The following NHS variants were observed in gnomAD, a reference collection of about 807,000 sequenced individuals.
The protein encoded by NHS is NHS actin remodeling regulator, also known as actin remodeling regulator NHS.
In NHS, 5 loss-of-function variants were observed where a neutral mutation model predicts 72.5. The observed-to-expected ratio is 0.07, with a 90% confidence interval of 0.04 to 0.14. The LOEUF (loss-of-function observed/expected upper bound fraction) is 0.14. Among genes scored for constraint, NHS ranks in the 10% least tolerant of loss-of-function variants. The pLI is 1.00. For missense variants in NHS, 1,072 were observed against 1,355.7 expected (o/e 0.79, Z 3.29); for synonymous variants, 464 against 547.7 (o/e 0.85, Z 2.13).
At position 17,704,324 on chromosome X, in the gene NHS, TCTCA is replaced by T. The variant is rs1174140820; in HGVS notation, c.852+11860_852+11863del. Among the ~76,000 whole-genome samples, 9 of 108,618 alleles carry T rather than the reference TCTCA, an allele frequency of 8.3e-5. No homozygotes were observed. The East Asian group carries it at 1.8e-3, about 22-fold the overall frequency. The allele number at this position is 108,618 out of a possible 115,157, so 94.3% of individuals were successfully genotyped here. On this transcript the variant is annotated intron_variant, in intron 3 of 8. Coordinates refer to ENST00000676302, the MANE Select transcript of NHS (RefSeq NM_001291867.2). Reference sequence around the variant, plus strand: ...AAAAAAATTTTTTTTTGAGATGGAGTCTCACTCTGTCACCCAGGCTGGATGGAGT... The same window carrying T: ...AAAAAAATTTTTTTTTGAGATGGAGTCTCTGTCACCCAGGCTGGATGGAGT...
intron 1 of NHS, among the ~76,000 whole-genome samples, chrX:17,448,771 G>A (rs2064793479): frequency 8.9e-6 from 1 of 111,920 alleles, no homozygotes; most frequent in Non-Finnish European, 1.9e-5. Flanking sequence ...AGTTGAAGGT[G>A]AATATGTGTG....
intron 1 of NHS, among the ~76,000 whole-genome samples, chrX:17,645,364 C>A (rs1273962015): frequency 9.0e-6 from 1 of 111,718 alleles, no homozygotes; most frequent in Admixed American, 9.5e-5. Flanking sequence ...GTTTCTTTTC[C>A]ATGGGAAAAT....
chrX:17,546,167 AC>A (rs1467186067), intron 1 of NHS, among the ~76,000 whole-genome samples: 1 of 111,669 alleles, frequency 9.0e-6, no homozygotes, highest in East Asian at 2.8e-4. Flanking sequence ...AAAAAAAGGG[AC>A]TAGATTCTGG....
At chrX:17,545,036 T>C (rs762798812) in intron 1 of NHS, among the ~76,000 whole-genome samples, 73 of 112,373 alleles carry the variant, frequency 6.5e-4, no homozygotes, top group Non-Finnish European at 6.8e-4. Context: ...GGACTGCTTG[T>C]AATCATGTGC....
chrX:17,547,868 G>A (rs980064502), intron 1 of NHS, among the ~76,000 whole-genome samples: 35 of 112,023 alleles, frequency 3.1e-4, no homozygotes, highest in Middle Eastern at 4.6e-3. Flanking sequence ...CATGGCTGGC[G>A]TCTCAGCTGC....
chrX:17,623,706 C>T lies in NHS; in HGVS notation c.566-64036C>T, dbSNP rs181236068. Among the ~76,000 whole-genome samples the T allele has an allele frequency of 4.6e-3, 512 of 111,967 alleles. 1 individual carries two copies. Among genetic ancestry groups the T allele is most frequent in the Non-Finnish European group, 7.4e-3 (394 of 53,110 alleles). On this transcript the variant is annotated intron_variant, in intron 1 of 8. Coordinates refer to ENST00000676302, the MANE Select transcript of NHS (RefSeq NM_001291867.2). ...GTGATTTCTTGACTGGAAAAATATC[C>T]CCAGGGGCCTGCTGGTGAGGCCACA...
At chrX:17,571,829 C>G (rs1377077501) in intron 1 of NHS, among the ~76,000 whole-genome samples, 2 of 112,266 alleles carry the variant, frequency 1.8e-5, no homozygotes, top group African/African-American at 6.5e-5. Context: ...CCTCTACACA[C>G]TGCTTAAATG....
intron 1 of NHS, among the ~76,000 whole-genome samples, chrX:17,536,978 G>A (rs2065228064): frequency 8.9e-6 from 1 of 112,367 alleles, no homozygotes; most frequent in African/African-American, 3.2e-5. Flanking sequence ...TTTCTATAAA[G>A]TGATTGAACT....
chrX:17,726,806 A>G lies in NHS; in HGVS notation c.2700A>G (p.Arg900=). ...TTGATTTCGCCAACACGCCTTCTCG[A>G]ATGGAAAACGCCAATCTTCCCACCA... ...LPLDFANTPS[R]MENANLPTKQ... The change falls in exon 7 of 9, where the codon CGA becomes CGG. Residue 900 remains arginine, a synonymous_variant. Transcript: ENST00000676302. 1 of 1,211,889 alleles carries G rather than the reference A, an allele frequency of 8.3e-7. No homozygotes were observed. Among genetic ancestry groups the G allele is most frequent in the Non-Finnish European group, 1.1e-6 (1 of 895,588 alleles).
intron 1 of NHS, among the ~76,000 whole-genome samples, chrX:17,458,999 C>G: frequency 8.9e-6 from 1 of 112,443 alleles, no homozygotes; most frequent in Non-Finnish European, 1.9e-5. Flanking sequence ...GGGGGTGGGA[C>G]CCAGGAATTT....
intron 1 of NHS, among the ~76,000 whole-genome samples, chrX:17,431,073 G>A (rs2064692957): frequency 9.0e-6 from 1 of 111,566 alleles, no homozygotes; most frequent in Admixed American, 9.5e-5. Flanking sequence ...ACTTGTTATT[G>A]TCCCATGAGG....
intron 3 of NHS, among the ~76,000 whole-genome samples, chrX:17,711,378 T>TAGCC (rs766071850): frequency 4.4e-5 from 5 of 112,400 alleles, no homozygotes; most frequent in African/African-American, 1.3e-4. Flanking sequence ...GGGCTCCCTA[T>TAGCC]AGCCCTCTTT....
In NHS at chrX:17,687,878, G is replaced by A. The variant is rs146456925; in HGVS notation, c.702G>A (p.Leu234=). The A allele has an allele frequency of 1.7e-6, 2 of 1,211,493 alleles. No homozygotes were observed. Among genetic ancestry groups the A allele is most frequent in the Non-Finnish European group, 2.2e-6 (2 of 895,343 alleles). ...EELHRHARQS[L]QALRREHRSR... Reference sequence around the variant, plus strand: ...TGCACCGCCACGCCCGGCAGAGCCTGCAAGCCCTGCGCAGAGGTGACAGAT... The same window carrying A: ...TGCACCGCCACGCCCGGCAGAGCCTACAAGCCCTGCGCAGAGGTGACAGAT... Residue 234 remains leucine (L), a synonymous_variant, in exon 2 of 9, where the codon CTG becomes CTA. Coordinates refer to ENST00000676302, the MANE Select transcript of NHS (RefSeq NM_001291867.2).
chrX:17,630,337 G>A (rs2065818558), intron 1 of NHS, among the ~76,000 whole-genome samples: 1 of 107,359 alleles, frequency 9.3e-6, no homozygotes, highest in Non-Finnish European at 1.9e-5. Context: ...GGGACCTTGG[G>A]CCAAGCCAGC....
chrX:17,590,901 G>A (rs2065600129), intron 1 of NHS, among the ~76,000 whole-genome samples: 1 of 111,965 alleles, frequency 8.9e-6, no homozygotes, highest in Non-Finnish European at 1.9e-5. Flanking sequence ...ATGGTGGAAT[G>A]ATGGATTATC....
chrX:17,668,088 TAAA>T (rs3077323), intron 1 of NHS, among the ~76,000 whole-genome samples: 142 of 63,613 alleles, frequency 2.2e-3, no homozygotes, highest in African/African-American at 6.9e-3. Context: ...CCCATCTCTC[TAAA>T]AAAAAAAAAA....
At chrX:17,530,705 C>T (rs1422234537) in intron 1 of NHS, among the ~76,000 whole-genome samples, 1 of 112,279 alleles carries the variant, frequency 8.9e-6, no homozygotes, top group Non-Finnish European at 1.9e-5. Context: ...TATTAAAACA[C>T]AGATTGCTCA....
intron 1 of NHS, among the ~76,000 whole-genome samples, chrX:17,472,818 A>C (rs1601721647): frequency 8.9e-6 from 1 of 111,985 alleles, no homozygotes; most frequent in East Asian, 2.8e-4. Flanking sequence ...TGTGCAGAAC[A>C]GTTTTCATGG....
intron 1 of NHS, among the ~76,000 whole-genome samples, chrX:17,619,904 T>C (rs1477266916): frequency 1.8e-5 from 2 of 111,747 alleles, no homozygotes; most frequent in Non-Finnish European, 3.8e-5. Context: ...TGGTAATGTC[T>C]AGCTCTTGAT....
Sources: gnomAD v4.1 joint callset for allele counts (sites outside exome capture counted in the v4.1 genomes callset) on GRCh38, gnomAD v4.1.1 for gene constraint, MANE v1.5 for transcripts, NCBI Gene and HGNC (gene_info 2026-07-23, HGNC 2026-07-21) for gene names.